The following MGAT4C variants were observed in gnomAD, a reference collection of about 807,000 sequenced individuals.
MGAT4C encodes the protein MGAT4 family member C.
In MGAT4C, 19 loss-of-function variants were observed where a neutral mutation model predicts 40.1. That is an observed-to-expected ratio of 0.47 (90% CI 0.33 to 0.70). The LOEUF is 0.70. MGAT4C is among the 30% of genes least tolerant of loss of function. MGAT4C has a pLI of 0.02. For missense variants in MGAT4C, 491 were observed against 563.2 expected (o/e 0.87, Z 1.30); for synonymous variants, 181 against 187.1 (o/e 0.97, Z 0.27).
intron 3 of MGAT4C, among the ~76,000 whole-genome samples, chr12:86,345,880 A>G (rs903282126): frequency 1.3e-5 from 2 of 152,214 alleles, no homozygotes; most frequent in African/African-American, 4.8e-5. Flanking sequence ...ACAGTGTAAA[A>G]GTGTTCCTAT....
At chr12:86,588,382 G>T (rs1273552493) in intron 2 of MGAT4C, among the ~76,000 whole-genome samples, 2 of 151,878 alleles carry the variant, frequency 1.3e-5, no homozygotes, top group Non-Finnish European at 2.9e-5. Context: ...ACCCAATACA[G>T]GAGCACCCAG....
At position 86,807,312 on chromosome 12, in the gene MGAT4C, C is replaced by T. The variant is rs114917022; in HGVS notation, c.-262+31354G>A. 7.1e-3 allele frequency among the ~76,000 whole-genome samples: 1,083 copies of T among 151,966 alleles called. 11 individuals carry two copies. The highest frequency in any genetic ancestry group is 0.024 in the African/African-American group (1,016 of 41,476). ...CTCAGACAGGCCCCAGTGTGTGCTGCGCCCCAGTGTGTGTCCATGTGTTCT... is the reference window on the plus strand; with the variant it reads ...CTCAGACAGGCCCCAGTGTGTGCTGTGCCCCAGTGTGTGTCCATGTGTTCT... On this transcript the variant is annotated intron_variant, in intron 1 of 7. Coordinates refer to the MGAT4C transcript ENST00000548651.
chr12:86,012,005 G>A, intron 2 of MGAT4C: 1 of 282,796 alleles, frequency 3.5e-6, no homozygotes. Context: ...TCTTTGTTTT[G>A]GAATAATATT....
intron 1 of MGAT4C, chr12:86,727,349 C>T (rs1950838685): frequency 6.6e-6 from 1 of 152,036 alleles, no homozygotes; most frequent in South Asian, 2.1e-4. Flanking sequence ...AGTCAGATGA[C>T]TTGGCTTCTT....
chr12:86,144,915 T>A (rs186724904), intron 1 of MGAT4C, among the ~76,000 whole-genome samples: 8 of 152,276 alleles, frequency 5.3e-5, no homozygotes, highest in African/African-American at 1.9e-4. Context: ...ACATTTTCAA[T>A]GCATGCTCTT....
chr12:86,431,837 T>C (rs1261282363), intron 3 of MGAT4C, among the ~76,000 whole-genome samples: 1 of 152,098 alleles, frequency 6.6e-6, no homozygotes, highest in South Asian at 2.1e-4. Context: ...TCTGTATCCA[T>C]ATAGAATCAA....
chr12:86,813,307 C>A (rs1952511773), intron 1 of MGAT4C, among the ~76,000 whole-genome samples: 1 of 152,006 alleles, frequency 6.6e-6, no homozygotes, highest in Non-Finnish European at 1.5e-5. Flanking sequence ...GTTCAAGAAT[C>A]TTTCCCTACA....
chr12:86,522,867 T>C lies in MGAT4C; in HGVS notation c.-228-87602A>G, dbSNP rs189024574. On this transcript the variant is annotated intron_variant, in intron 2 of 7. Coordinates refer to the MGAT4C transcript ENST00000548651. ...TGTCCAGGAATTTAATCATTTATTC[T>C]AGATTTTCAAGTTTATGTTCATAGA... Among the ~76,000 whole-genome samples, 5 of 152,298 alleles carry C rather than the reference T, an allele frequency of 3.3e-5. No homozygotes were observed. In the East Asian group the frequency reaches 7.7e-4, roughly 23 times the overall value.
At chr12:86,043,293 A>C (rs1187367172) in intron 2 of MGAT4C, among the ~76,000 whole-genome samples, 1 of 152,156 alleles carries the variant, frequency 6.6e-6, no homozygotes, top group Non-Finnish European at 1.5e-5. Context: ...GCTGAGGAGC[A>C]AGTCAGTCCA....
At chr12:86,259,263 T>C (rs1211521439), upstream of MGAT4C, among the ~76,000 whole-genome samples, 1 of 152,106 alleles carries the variant, frequency 6.6e-6, no homozygotes, top group Admixed American at 6.6e-5. Flanking sequence ...ATTTTCAGAA[T>C]GTCCTTTGGA....
At chr12:86,277,587 G>A (rs1406710630) in intron 4 of MGAT4C, among the ~76,000 whole-genome samples, 1 of 152,152 alleles carries the variant, frequency 6.6e-6, no homozygotes, top group East Asian at 1.9e-4. Context: ...ACAGAATAGA[G>A]TGGGGTAGTT....
At chr12:86,534,767 A>T (rs1265470281) in intron 2 of MGAT4C, among the ~76,000 whole-genome samples, 4 of 152,138 alleles carry the variant, frequency 2.6e-5, no homozygotes, top group African/African-American at 9.7e-5. Context: ...TAATAGATGT[A>T]ATTATAACTC....
chr12:86,121,720 C>T (rs1329694631), intron 1 of MGAT4C, among the ~76,000 whole-genome samples: 1 of 152,146 alleles, frequency 6.6e-6, no homozygotes, highest in East Asian at 1.9e-4. Flanking sequence ...ACTACCAGGG[C>T]CTGCCTTACA....
chr12:86,060,866 G>T (rs1253687328), intron 1 of MGAT4C, among the ~76,000 whole-genome samples: 1 of 152,002 alleles, frequency 6.6e-6, no homozygotes, highest in Non-Finnish European at 1.5e-5. Context: ...GGACTGAGCT[G>T]GCCAGGAAAA....
In MGAT4C at chr12:85,979,974, G is replaced by A. The variant is rs547661699; in HGVS notation, c.752C>T (p.Thr251Ile). 6.2e-7 allele frequency: 1 copy of A among 1,613,728 alleles called. No individual in the cohort carries two copies. The highest frequency in any genetic ancestry group is 1.7e-5 in the Admixed American group (1 of 59,946). The change falls in exon 5 of 5, where the codon ACT (threonine) becomes ATT (isoleucine). Residue 251 changes from threonine (T) to isoleucine (I), a missense_variant. Coordinates refer to ENST00000611864, the MANE Select transcript of MGAT4C (RefSeq NM_001351288.2). ...GTAGCCAAGCTTAGAGAATTCAAGA[G>A]TTACCCAGTAAGTTCCTTCTAGGGA... ...IASLEGTYWV[T>I]LEFSKLGYIG...
At chr12:86,240,025 A>AC (rs1951712020) in intron 1 of MGAT4C, among the ~76,000 whole-genome samples, 5 of 30,144 alleles carry the variant, frequency 1.7e-4, no homozygotes, top group African/African-American at 1.2e-3. Context: ...TTAGAGTATA[A>AC]TAAAAAAAAA....
intron 2 of MGAT4C, among the ~76,000 whole-genome samples, chr12:86,565,283 C>T (rs994179406): frequency 2.6e-5 from 4 of 152,148 alleles, no homozygotes; most frequent in Admixed American, 1.3e-4. Context: ...GGCTCAAATG[C>T]CCATGGTCCC....
intron 1 of MGAT4C, among the ~76,000 whole-genome samples, chr12:86,152,279 G>A (rs190253964): frequency 6.6e-6 from 1 of 152,328 alleles, no homozygotes. Flanking sequence ...CTGGAGGCTA[G>A]AAGTCCAAGA....
intron 3 of MGAT4C, among the ~76,000 whole-genome samples, chr12:86,429,702 A>AT (rs1956996525): frequency 6.6e-6 from 1 of 151,654 alleles, no homozygotes; most frequent in East Asian, 1.9e-4. Context: ...TGTCCTCAGA[A>AT]TTTTTTCTTG....
Sources: allele counts gnomAD v4.1 joint callset (sites outside exome capture counted in the v4.1 genomes callset), GRCh38; gene constraint gnomAD v4.1.1; transcripts MANE v1.5; gene names NCBI Gene and HGNC (gene_info 2026-07-23, HGNC 2026-07-21).